The following DPP10 variants were observed in gnomAD, a reference collection of about 807,000 sequenced individuals.
The protein encoded by DPP10 is dipeptidyl peptidase like 10.
DPP10 carries 33 observed loss-of-function variants against 120.9 expected under a neutral mutation model. That is an observed-to-expected ratio of 0.27 (90% CI 0.21 to 0.37). The LOEUF (loss-of-function observed/expected upper bound fraction) is 0.37, where lower values mean the gene tolerates loss of function less well. DPP10 is among the 10% of genes least tolerant of loss of function. The pLI is 1.00. For missense variants in DPP10, 816 were observed against 942.8 expected, an observed-to-expected ratio of 0.87 and a Z score of 1.76; for synonymous variants, 337 against 326.1, an observed-to-expected ratio of 1.03 and a Z score of -0.36.
chr2:114,477,246 C>T (rs1680489905), intron 1 of DPP10, among the ~76,000 whole-genome samples: 2 of 152,012 alleles, frequency 1.3e-5, no homozygotes, highest in Admixed American at 1.3e-4. Flanking sequence ...GTGTGAGCCA[C>T]TGCACCCAGC....
At chr2:115,563,090 T>C (rs1173396730) in intron 5 of DPP10, among the ~76,000 whole-genome samples, 1 of 152,216 alleles carries the variant, frequency 6.6e-6, no homozygotes, top group African/African-American at 2.4e-5. Context: ...ATGAACATCA[T>C]GGGCAAAGTA....
chr2:115,642,024 C>T lies in DPP10; in HGVS notation c.442-47663C>T, dbSNP rs536579922. Among the ~76,000 whole-genome samples, 87 of 152,164 alleles carry T rather than the reference C, an allele frequency of 5.7e-4. No homozygotes were observed. In the Middle Eastern group the frequency reaches 0.01, roughly 18 times the overall value. ...CTTCAACACCCACAGAAAGATAGGG[C>T]ATTGCTTTTCAAGTCATAAGATTTT... is the stretch of plus-strand genomic sequence containing the variant. On this transcript the variant is annotated intron_variant, in intron 5 of 25. Transcript: ENST00000410059.
chr2:115,688,252 C>T (rs996027520), intron 5 of DPP10, among the ~76,000 whole-genome samples: 12 of 152,066 alleles, frequency 7.9e-5, no homozygotes, highest in South Asian at 2.1e-4. Flanking sequence ...CCAAAAGGAG[C>T]GGGAGCATAA....
intron 1 of DPP10, among the ~76,000 whole-genome samples, chr2:115,262,183 C>T (rs79759343): frequency 0.023 from 3,529 of 151,800 alleles, 138 homozygotes; most frequent in African/African-American, 0.081. Context: ...ATTAATTCAA[C>T]GTATTCATTT....
intron 1 of DPP10, among the ~76,000 whole-genome samples, chr2:115,001,398 CA>C (rs1377482211): frequency 3.3e-5 from 5 of 152,034 alleles, no homozygotes; most frequent in Non-Finnish European, 5.9e-5. Flanking sequence ...GAACATACTT[CA>C]AAATAATAAA....
At chr2:114,761,342 A>G in intron 1 of DPP10, among the ~76,000 whole-genome samples, 1 of 152,158 alleles carries the variant, frequency 6.6e-6, no homozygotes, top group Non-Finnish European at 1.5e-5. Context: ...GTTTCTATAA[A>G]GTCTGAGTCT....
At position 115,525,821 on chromosome 2, in the gene DPP10, A is replaced by C. The variant is rs928641260; in HGVS notation, c.367-77A>C. The C allele has an allele frequency of 4.9e-5, 54 of 1,100,762 alleles. 1 individual carries two copies. In the Middle Eastern group the frequency reaches 1.5e-3, roughly 30 times the overall value. 68.2% of individuals were successfully genotyped at this position (1,100,762 alleles called of 1,614,324 possible). ...CCATTTTATAGTGCTATGAAAATTG[A>C]TTTTTTTTTACATTTATACATCCAA... On this transcript the variant is annotated intron_variant, in intron 4 of 25. Coordinates refer to ENST00000410059, the MANE Select transcript of DPP10 (RefSeq NM_020868.6).
At chr2:114,513,862 G>T (rs545881078) in intron 1 of DPP10, among the ~76,000 whole-genome samples, 1 of 152,282 alleles carries the variant, frequency 6.6e-6, no homozygotes, top group South Asian at 2.1e-4. Flanking sequence ...AGCTCAAAAA[G>T]ATCTTGAGAA....
chr2:114,624,511 C>A, intron 1 of DPP10, among the ~76,000 whole-genome samples: 1 of 151,806 alleles, frequency 6.6e-6, no homozygotes, highest in East Asian at 1.9e-4. Flanking sequence ...GCTTCAAACC[C>A]CATCTGTCAC....
chr2:115,218,773 C>T (rs1007495497), intron 1 of DPP10, among the ~76,000 whole-genome samples: 16 of 152,098 alleles, frequency 1.1e-4, no homozygotes, highest in Non-Finnish European at 1.8e-4. Flanking sequence ...TGTTTATGGG[C>T]TCTACTAATC....
At chr2:114,976,391 T>A (rs1158086194) in intron 1 of DPP10, among the ~76,000 whole-genome samples, 2 of 152,234 alleles carry the variant, frequency 1.3e-5, no homozygotes. Flanking sequence ...ATTTCGTAGT[T>A]ATTTTAATGT....
Position 115,440,755 on chromosome 2 carries a change from C to T in DPP10, c.272-58755C>T, listed in dbSNP as rs138333701. The T allele has an allele frequency of 3.0e-3, 453 of 152,302 alleles. 2 individuals are homozygous for T. Among genetic ancestry groups the T allele is most frequent in the African/African-American group, 0.01 (434 of 41,558 alleles). 9.4% of individuals were successfully genotyped at this position (152,302 alleles called of 1,614,324 possible). A position where few individuals can be genotyped will look rare whatever the true frequency, so the allele number is the denominator to read the frequency against. Reference sequence around the variant, plus strand: ...AGACAAATGGTTACAAAAAGAGCAACGGTACCAGGTGCAAGGCTCTAAATC... The same window carrying T: ...AGACAAATGGTTACAAAAAGAGCAATGGTACCAGGTGCAAGGCTCTAAATC... On this transcript the variant is annotated intron_variant, in intron 3 of 25. Transcript: ENST00000410059.
At chr2:115,580,549 C>T (rs978106252) in intron 5 of DPP10, among the ~76,000 whole-genome samples, 1 of 152,234 alleles carries the variant, frequency 6.6e-6, no homozygotes, top group East Asian at 1.9e-4. Flanking sequence ...CACATGTGCT[C>T]CTGCAGGCAC....
intron 1 of DPP10, among the ~76,000 whole-genome samples, chr2:114,705,383 A>G (rs2105837172): frequency 6.6e-6 from 1 of 152,266 alleles, no homozygotes; most frequent in Non-Finnish European, 1.5e-5. Context: ...ATGAGAACAA[A>G]AGGAGTAGAA....
chr2:114,735,035 A>G (rs1168399638), intron 1 of DPP10, among the ~76,000 whole-genome samples: 1 of 151,892 alleles, frequency 6.6e-6, no homozygotes, highest in African/African-American at 2.4e-5. Flanking sequence ...CCTTTCTTAT[A>G]TGGGTACCGA....
intron 5 of DPP10, among the ~76,000 whole-genome samples, chr2:115,630,647 G>C (rs921639216): frequency 6.6e-6 from 1 of 152,124 alleles, no homozygotes; most frequent in Non-Finnish European, 1.5e-5. Flanking sequence ...GGCCTTTTCT[G>C]CATCTATTGA....
At chr2:115,402,850 A>AT (rs1553584327) in intron 3 of DPP10, among the ~76,000 whole-genome samples, 96 of 57,990 alleles carry the variant, frequency 1.7e-3, no homozygotes, top group East Asian at 2.6e-3. Context: ...AGGAAAAAAA[A>AT]AAAAATATAT....
chr2:115,488,782 A>G (rs1182767630), intron 3 of DPP10, among the ~76,000 whole-genome samples: 1 of 133,096 alleles, frequency 7.5e-6, no homozygotes, highest in Non-Finnish European at 1.6e-5. Context: ...CTAATGCTAG[A>G]TGACACATTA....
At chr2:114,480,889 C>CA (rs138654295) in intron 1 of DPP10, among the ~76,000 whole-genome samples, 51 of 150,482 alleles carry the variant, frequency 3.4e-4, no homozygotes, top group Admixed American at 9.9e-4. Flanking sequence ...CCCCAAAAAA[C>CA]AAAAAAAACA....
Sources: gnomAD v4.1 joint callset for allele counts (sites outside exome capture counted in the v4.1 genomes callset) on GRCh38, gnomAD v4.1.1 for gene constraint, MANE v1.5 for transcripts, NCBI Gene and HGNC (gene_info 2026-07-23, HGNC 2026-07-21) for gene names.